GLRA2: variants seen among roughly 807,000 people sequenced by gnomAD.
GLRA2 encodes the protein glycine receptor subunit alpha-2.
In GLRA2, 11 loss-of-function variants were observed where a neutral mutation model predicts 31.6. That is an observed-to-expected ratio of 0.35 (90% confidence interval 0.22 to 0.58). GLRA2 has a LOEUF of 0.58. GLRA2 is among the 20% of genes least tolerant of loss of function. GLRA2 has a pLI of 0.84. For synonymous variants in GLRA2, 132 were observed against 134.0 expected (o/e 0.99, Z 0.10); for missense variants, 212 against 351.8 (o/e 0.60, Z 3.18).
chrX:14,706,265 C>A (rs1344425859), intron 8 of GLRA2, among the ~76,000 whole-genome samples: 1 of 111,348 alleles, frequency 9.0e-6, no homozygotes, highest in Non-Finnish European at 1.9e-5. Flanking sequence ...CGTGTGGAAT[C>A]AAAAATAACA....
chrX:14,499,696 A>G, the GLRA2 span, among the ~76,000 whole-genome samples: 9 of 110,998 alleles, frequency 8.1e-5, no homozygotes, highest in Non-Finnish European at 1.5e-4. Context: ...TGGGACTCCA[A>G]AAGGCAGGAG....
chrX:14,677,505 A>G (rs2091157036), intron 7 of GLRA2, among the ~76,000 whole-genome samples: 1 of 112,389 alleles, frequency 8.9e-6, no homozygotes, highest in Non-Finnish European at 1.9e-5. Flanking sequence ...CGTGGGCTAG[A>G]ATAGGCAAAG....
intron 2 of GLRA2, among the ~76,000 whole-genome samples, chrX:14,543,593 T>A (rs896129803): frequency 7.2e-5 from 8 of 111,390 alleles, no homozygotes; most frequent in African/African-American, 2.6e-4. Flanking sequence ...AGGTAGCAAA[T>A]TCATGTACAA....
At chrX:14,661,225 TTACCTC>T (rs1189538594) in intron 7 of GLRA2, among the ~76,000 whole-genome samples, 1 of 112,486 alleles carries the variant, frequency 8.9e-6, no homozygotes, top group Non-Finnish European at 1.9e-5. Flanking sequence ...GTTGTTTCAT[TTACCTC>T]TAATGGTATT....
intron 7 of GLRA2, among the ~76,000 whole-genome samples, chrX:14,671,357 G>A (rs2091091016): frequency 8.9e-6 from 1 of 112,012 alleles, no homozygotes. Context: ...ACAAGCATTT[G>A]GATGCAGTTT....
chrX:14,465,036 T>C, the GLRA2 span, among the ~76,000 whole-genome samples: 23,338 of 111,473 alleles, frequency 0.21, 1,955 homozygotes, highest in South Asian at 0.29. Context: ...CTGTGAAGAA[T>C]GTCATTAATT....
At chrX:14,571,102 G>A (rs1409663833) in intron 2 of GLRA2, among the ~76,000 whole-genome samples, 1 of 111,412 alleles carries the variant, frequency 9.0e-6, no homozygotes, top group African/African-American at 3.3e-5. Flanking sequence ...AGGAAGGAAC[G>A]AAGGATAGGA....
At chrX:14,503,951 A>G in the GLRA2 span, among the ~76,000 whole-genome samples, 2 of 112,099 alleles carry the variant, frequency 1.8e-5, no homozygotes, top group Non-Finnish European at 3.8e-5. Flanking sequence ...ACTCATATAT[A>G]GAAAAAGATG....
In GLRA2 at chrX:14,564,469, A is replaced by ATGTTT. The variant is rs1351527775; in HGVS notation, c.203-9864_203-9863insTGTTT. Among the ~76,000 whole-genome samples, 204 of 112,021 alleles carry ATGTTT rather than the reference A, an allele frequency of 1.8e-3. 1 individual carries two copies. The highest frequency in any genetic ancestry group is 6.5e-3 in the African/African-American group (200 of 30,957). On this transcript the variant is annotated intron_variant, in intron 2 of 8. Transcript: ENST00000218075. ...CGAGAAATGATAAAGGGAGTCCTTC[A>ATGTTT]AGCTGAAATAAAAGGATGCTAAACA...
intron 8 of GLRA2, among the ~76,000 whole-genome samples, chrX:14,726,628 C>A (rs900785508): frequency 8.9e-6 from 1 of 112,520 alleles, no homozygotes; most frequent in African/African-American, 3.2e-5. Flanking sequence ...TAAGCCCCCA[C>A]AGTTTGCATG....
At chrX:14,594,976 T>C (rs1329043830) in intron 4 of GLRA2, among the ~76,000 whole-genome samples, 8 of 108,241 alleles carry the variant, frequency 7.4e-5, no homozygotes, top group Non-Finnish European at 1.5e-4. Context: ...AAAGTGCTTA[T>C]TTGGAATTAA....
At chrX:14,512,217 A>G in the GLRA2 span, among the ~76,000 whole-genome samples, 1 of 111,266 alleles carries the variant, frequency 9.0e-6, no homozygotes, top group African/African-American at 3.3e-5. Flanking sequence ...AATGAAGCTG[A>G]TATCCCTTTA....
At chrX:14,725,795 A>C (rs755224598) in intron 8 of GLRA2, among the ~76,000 whole-genome samples, 4 of 112,191 alleles carry the variant, frequency 3.6e-5, no homozygotes, top group Admixed American at 2.8e-4. Context: ...AAATACATAA[A>C]ATTAGATAAT....
intron 7 of GLRA2, among the ~76,000 whole-genome samples, chrX:14,660,768 T>G (rs2090983107): frequency 8.9e-6 from 1 of 111,871 alleles, no homozygotes; most frequent in Non-Finnish European, 1.9e-5. Flanking sequence ...AGTAGTTAAA[T>G]GTTTTGCGTA....
chrX:14,601,700 T>C (rs1325539103), intron 4 of GLRA2, among the ~76,000 whole-genome samples: 1 of 111,953 alleles, frequency 8.9e-6, no homozygotes. Context: ...ATTCTTTGTC[T>C]AATCTGACTT....
chrX:14,590,908 G>A (rs747967197), intron 4 of GLRA2, among the ~76,000 whole-genome samples: 23 of 111,941 alleles, frequency 2.1e-4, no homozygotes, highest in Admixed American at 2.0e-3. Flanking sequence ...GAGCAAGGTC[G>A]GGAGGGTGGG....
the GLRA2 span, among the ~76,000 whole-genome samples, chrX:14,484,853 G>A: frequency 1.8e-5 from 2 of 111,775 alleles, no homozygotes; most frequent in Non-Finnish European, 3.8e-5. Context: ...TTTATTGGTC[G>A]ACAGCAGCAG....
rs184835335 is a variant in GLRA2 at position 14,633,812 on chromosome X, A to T, written c.930+24607A>T. The stretch of plus-strand genomic sequence containing the variant: ...GGAACAACCCCTTATAAAACCATAT[A>T]GTGCATGAAAACTCACTTACTATCA... On this transcript the variant is annotated intron_variant, in intron 7 of 8. Transcript: ENST00000218075. 1.0e-4 allele frequency among the ~76,000 whole-genome samples: 10 copies of T among 99,560 alleles called. No homozygotes were observed. The East Asian group carries it at 2.9e-3, about 29-fold the overall frequency. 86.5% of individuals were successfully genotyped at this position (99,560 alleles called of 115,157 possible).
At chrX:14,716,056 G>A (rs2091779810) in intron 8 of GLRA2, among the ~76,000 whole-genome samples, 1 of 111,566 alleles carries the variant, frequency 9.0e-6, no homozygotes, top group Admixed American at 9.5e-5. Context: ...TGACTGTATA[G>A]TATGCATACT....
Sources: allele counts gnomAD v4.1 joint callset (sites outside exome capture counted in the v4.1 genomes callset), GRCh38; gene constraint gnomAD v4.1.1; transcripts MANE v1.5; gene names NCBI Gene and HGNC (gene_info 2026-07-23, HGNC 2026-07-21).